The following KITLG variants were observed in gnomAD, a reference collection of about 807,000 sequenced individuals.
The protein encoded by KITLG is c-Kit ligand.
A neutral mutation model predicts 34.1 loss-of-function variants in KITLG; 13 were observed. The ratio of observed to expected loss-of-function variants is 0.38; its 90% CI spans 0.25 to 0.61. KITLG has a LOEUF of 0.61. Ranked by LOEUF, KITLG falls within the 20% of genes least tolerant of loss-of-function variation. The pLI is 0.60. For missense variants in KITLG, 292 were observed against 318.9 expected, an observed-to-expected ratio of 0.92 and a Z score of 0.64; for synonymous variants, 110 against 104.0, an observed-to-expected ratio of 1.06 and a Z score of -0.35.
chr12:88,515,466 G>A (rs1592841894), intron 6 of KITLG, 68 bp downstream of exon 6: 2 of 929,066 alleles, frequency 2.2e-6, no homozygotes, highest in East Asian at 2.4e-5. Context: ...TTCCTTGAAA[G>A]CCCATGCAAT....
chr12:88,523,946 TA>T (rs1213328801), intron 3 of KITLG, among the ~76,000 whole-genome samples: 1 of 152,214 alleles, frequency 6.6e-6, no homozygotes, highest in Non-Finnish European at 1.5e-5. Flanking sequence ...AAATATGTGT[TA>T]TTTCCCAGGG....
chr12:88,529,951 A>T (rs1870021825), intron 3 of KITLG, among the ~76,000 whole-genome samples: 1 of 152,202 alleles, frequency 6.6e-6, no homozygotes. Context: ...TCAATTACAG[A>T]AACAAGCACA....
chr12:88,520,584 A>G (rs1869621499), intron 3 of KITLG, among the ~76,000 whole-genome samples: 1 of 152,198 alleles, frequency 6.6e-6, no homozygotes, highest in South Asian at 2.1e-4. Context: ...ATCTCTGGCA[A>G]GTAAGAACCA....
In KITLG at chr12:88,496,894, A is replaced by G. The variant is rs995030; in HGVS notation, c.*325T>C. 109,627 of 161,158 alleles carry G rather than the reference A, an allele frequency of 0.68. 40,827 individuals carry two copies. The highest frequency in any genetic ancestry group is 0.85 in the Middle Eastern group (289 of 340). The allele number at this position is 161,158 out of a possible 1,614,324, so 10.0% of individuals were successfully genotyped here. A position where few individuals can be genotyped will look rare whatever the true frequency, so the allele number is the denominator to read the frequency against. ...ACATTTCTGGAGCCATGCAAATGGT[A>G]CATGCAGTCTGAGACACGTGCTTTC... On this transcript the variant is annotated 3_prime_UTR_variant, in exon 10 of 10. Transcript: ENST00000644744.
chr12:88,498,678 C>A (rs1040127399), intron 9 of KITLG, among the ~76,000 whole-genome samples: 2 of 152,112 alleles, frequency 1.3e-5, no homozygotes, highest in Non-Finnish European at 2.9e-5. Flanking sequence ...AGTTTGAGAC[C>A]AGCCTGGCCA....
Position 88,532,465 on chromosome 12 carries a change from T to A in KITLG, c.168A>T (p.Lys56Asn). 2 of 1,611,132 alleles carry A rather than the reference T, an allele frequency of 1.2e-6. No homozygotes were observed. Among genetic ancestry groups the A allele is most frequent in the Non-Finnish European group, 1.7e-6 (2 of 1,178,596 alleles). The change falls in exon 3 of 10, where the codon AAA becomes AAT. Residue 56 changes from lysine to asparagine, a missense_variant. By Grantham distance (94) the Lys-to-Asn change is moderately conservative (BLOSUM62 0). Coordinates refer to ENST00000644744, the MANE Select transcript of KITLG (RefSeq NM_000899.5). Reference sequence around the variant, plus strand: ...CCAAAACATCCATCCCGGGGACATATTTGAGGGTTATCATGTAGTCTTTTG... The same window carrying A: ...CCAAAACATCCATCCCGGGGACATAATTGAGGGTTATCATGTAGTCTTTTG... ...NLPKDYMITLKYVPGMDVLPS... is the reference protein window; with the variant it reads ...NLPKDYMITLNYVPGMDVLPS...
intron 3 of KITLG, among the ~76,000 whole-genome samples, chr12:88,526,347 A>C (rs1235613086): frequency 2.0e-5 from 3 of 152,240 alleles, no homozygotes. Flanking sequence ...ATAACGTTGC[A>C]GTGCAGATAC....
At position 88,522,611 on chromosome 12, in the gene KITLG, A is replaced by G. The variant is rs550328510; in HGVS notation, c.193-3744T>C. ...CCCAGCTAACTTTTGTTTTTTTAGT[A>G]GAGATGGGATTTCACCATGTTGGCT... On this transcript the variant is annotated intron_variant, in intron 3 of 9. Transcript: ENST00000644744. Among the ~76,000 whole-genome samples, 5 of 152,000 alleles carry G rather than the reference A, an allele frequency of 3.3e-5. No individual in the cohort carries two copies. In the South Asian group the frequency reaches 1.0e-3, roughly 32 times the overall value.
intron 4 of KITLG, 90 bp downstream of exon 4, chr12:88,518,607 T>C: frequency 5.2e-6 from 5 of 962,350 alleles, no homozygotes; most frequent in South Asian, 1.4e-5. Context: ...ATATCATAAA[T>C]AAAGGTGCCT....
chr12:88,523,021 A>G (rs988647880), intron 3 of KITLG, among the ~76,000 whole-genome samples: 7 of 152,202 alleles, frequency 4.6e-5, no homozygotes, highest in African/African-American at 1.7e-4. Flanking sequence ...GTATTCACCC[A>G]GCCTTCTAAT....
Position 88,518,677 on chromosome 12 carries a change from C to T in KITLG, c.363+20G>A. The T allele has an allele frequency of 6.3e-7, 1 of 1,599,446 alleles. No individual in the cohort carries two copies. The highest frequency in any genetic ancestry group is 8.6e-7 in the Non-Finnish European group (1 of 1,167,036). The stretch of plus-strand genomic sequence containing the variant: ...TTAGAGAAGCGTAATGAAAAATAAT[C>T]CCAATGAACACAAAGTTACCTTAGA... On this transcript the variant is annotated intron_variant, in intron 4 of 9. Transcript: ENST00000644744.
At chr12:88,521,201 T>G (rs1009213149) in intron 3 of KITLG, among the ~76,000 whole-genome samples, 1 of 152,302 alleles carries the variant, frequency 6.6e-6, no homozygotes, top group South Asian at 2.1e-4. Context: ...TTCTTGAGTT[T>G]ATTAAAGATA....
At chr12:88,512,394 C>T (rs919968293) in intron 6 of KITLG, among the ~76,000 whole-genome samples, 5 of 151,942 alleles carry the variant, frequency 3.3e-5, no homozygotes, top group South Asian at 2.1e-4. Flanking sequence ...AAAACTTCTG[C>T]GACCTATGAC....
chr12:88,532,085 T>C (rs1041409702), intron 3 of KITLG, among the ~76,000 whole-genome samples: 3 of 152,150 alleles, frequency 2.0e-5, no homozygotes, highest in Non-Finnish European at 2.9e-5. Context: ...ATAGGTTATA[T>C]GCAAATACTA....
At chr12:88,523,808 C>T (rs1404885096) in intron 3 of KITLG, among the ~76,000 whole-genome samples, 1 of 152,138 alleles carries the variant, frequency 6.6e-6, no homozygotes, top group Non-Finnish European at 1.5e-5. Context: ...TTATTTTAGT[C>T]CTCTCCCTAA....
intron 1 of KITLG, among the ~76,000 whole-genome samples, chr12:88,559,446 T>G (rs1342443349): frequency 6.6e-6 from 1 of 152,268 alleles, no homozygotes. Context: ...AAGTTCTGAG[T>G]GCTGGGAGTG....
chr12:88,561,806 G>A (rs1186082775), intron 1 of KITLG, among the ~76,000 whole-genome samples: 1 of 152,164 alleles, frequency 6.6e-6, no homozygotes, highest in Non-Finnish European at 1.5e-5. Flanking sequence ...GGTAATTCCT[G>A]CCTCAAGCCC....
intron 1 of KITLG, among the ~76,000 whole-genome samples, chr12:88,573,329 C>T (rs1056867933): frequency 6.6e-6 from 1 of 152,132 alleles, no homozygotes; most frequent in African/African-American, 2.4e-5. Context: ...TGTGTGTTTT[C>T]CCAAGGCAGT....
intron 1 of KITLG, among the ~76,000 whole-genome samples, chr12:88,561,652 G>A (rs947632630): frequency 1.3e-5 from 2 of 152,150 alleles, no homozygotes; most frequent in Non-Finnish European, 2.9e-5. Context: ...TACATTTACA[G>A]TAAGACTCCA....
Sources: allele counts gnomAD v4.1 joint callset (sites outside exome capture counted in the v4.1 genomes callset), GRCh38; gene constraint gnomAD v4.1.1; transcripts MANE v1.5; gene names NCBI Gene and HGNC (gene_info 2026-07-23, HGNC 2026-07-21).